Variants in MACROD2 observed in about 807,000 individuals in gnomAD.
MACROD2 encodes mono-ADP ribosylhydrolase 2.
MACROD2 carries 36 observed loss-of-function variants against 70.4 expected under a neutral mutation model. The ratio of observed to expected loss-of-function variants is 0.51; its 90% CI spans 0.39 to 0.68. MACROD2 has a LOEUF of 0.68. MACROD2 is among the 30% of genes least tolerant of loss of function. The pLI is 0.00. For synonymous variants in MACROD2, 172 were observed against 178.8 expected (o/e 0.96, Z 0.30); for missense variants, 496 against 538.4 (o/e 0.92, Z 0.78).
intron 4 of MACROD2, among the ~76,000 whole-genome samples, chr20:14,548,191 TTTA>T (rs1279501869): frequency 1.3e-5 from 2 of 152,138 alleles, no homozygotes; most frequent in Non-Finnish European, 2.9e-5. Context: ...TCATAAGACT[TTTA>T]TTTCTTCAGA....
At chr20:15,157,690 C>T (rs1461795567) in intron 5 of MACROD2, among the ~76,000 whole-genome samples, 2 of 152,106 alleles carry the variant, frequency 1.3e-5, no homozygotes, top group African/African-American at 4.8e-5. Context: ...ACACTGACCT[C>T]TATGAATTGT....
At chr20:15,489,854 TC>T (rs2047205859) in intron 7 of MACROD2, among the ~76,000 whole-genome samples, 2 of 152,072 alleles carry the variant, frequency 1.3e-5, no homozygotes. Flanking sequence ...ACTGGTCCTG[TC>T]CCTTGCTTGA....
At chr20:14,534,911 A>T (rs1363748673) in intron 4 of MACROD2, among the ~76,000 whole-genome samples, 1 of 152,134 alleles carries the variant, frequency 6.6e-6, no homozygotes, top group Non-Finnish European at 1.5e-5. Flanking sequence ...GACAGTTACT[A>T]AAGAGAACTA....
At position 15,431,444 on chromosome 20, in the gene MACROD2, T is replaced by C. The variant is rs41275428; in HGVS notation, c.571+9T>C. On this transcript the variant is annotated intron_variant, in intron 7 of 17. Transcript: ENST00000684519. ...CTCAACAGGCATTTATGGTAAGTGATACAGCTTTTGATGATGTTTGTATTT... is the reference window on the plus strand; with the variant it reads ...CTCAACAGGCATTTATGGTAAGTGACACAGCTTTTGATGATGTTTGTATTT... 6.2e-7 allele frequency: 1 copy of C among 1,610,058 alleles called. No homozygotes were observed. The highest frequency in any genetic ancestry group is 8.5e-7 in the Non-Finnish European group (1 of 1,177,070).
chr20:14,594,106 C>A (rs528083171), intron 4 of MACROD2, among the ~76,000 whole-genome samples: 24 of 152,230 alleles, frequency 1.6e-4, no homozygotes, highest in Admixed American at 7.2e-4. Context: ...AGTAGGAGTA[C>A]AAAGGAGGAG....
chr20:15,077,062 G>A (rs2075663919), intron 5 of MACROD2, among the ~76,000 whole-genome samples: 1 of 152,164 alleles, frequency 6.6e-6, no homozygotes, highest in South Asian at 2.1e-4. Context: ...AGAATAGGGA[G>A]CAAATGTGCA....
At chr20:15,103,521 A>T (rs2075888984) in intron 5 of MACROD2, among the ~76,000 whole-genome samples, 1 of 152,150 alleles carries the variant, frequency 6.6e-6, no homozygotes, top group African/African-American at 2.4e-5. Flanking sequence ...ACATAATTAA[A>T]GCTCTACCAG....
chr20:14,755,549 C>A (rs1568777629), intron 5 of MACROD2, among the ~76,000 whole-genome samples: 1 of 151,968 alleles, frequency 6.6e-6, no homozygotes, highest in East Asian at 1.9e-4. Context: ...GACTATATAG[C>A]CTTATCTACC....
chr20:14,091,699 A>C (rs2054152139), intron 3 of MACROD2, among the ~76,000 whole-genome samples: 1 of 152,156 alleles, frequency 6.6e-6, no homozygotes, highest in Non-Finnish European at 1.5e-5. Flanking sequence ...TTTTCACTAA[A>C]TATAATGCTC....
At chr20:15,839,037 T>A (rs1294602180) in intron 8 of MACROD2, among the ~76,000 whole-genome samples, 1 of 152,180 alleles carries the variant, frequency 6.6e-6, no homozygotes, top group Non-Finnish European at 1.5e-5. Flanking sequence ...TTTGCCCAAA[T>A]TATTTCCTGT....
At chr20:15,600,395 G>A (rs952099368) in intron 8 of MACROD2, among the ~76,000 whole-genome samples, 7 of 152,048 alleles carry the variant, frequency 4.6e-5, no homozygotes, top group Non-Finnish European at 7.4e-5. Flanking sequence ...TCTTAATTTC[G>A]TGTTGCTCAT....
chr20:15,625,563 A>G (rs1349449199), intron 8 of MACROD2, among the ~76,000 whole-genome samples: 1 of 152,240 alleles, frequency 6.6e-6, no homozygotes, highest in African/African-American at 2.4e-5. Context: ...CAAAAAGTAA[A>G]CACTTGCTGG....
intron 8 of MACROD2, among the ~76,000 whole-genome samples, chr20:15,560,729 C>G (rs1217150693): frequency 1.5e-5 from 2 of 133,214 alleles, no homozygotes; most frequent in Non-Finnish European, 3.0e-5. Context: ...CACCACTGCA[C>G]TCCAGCCTGG....
At chr20:15,538,062 C>G (rs1004713521) in intron 8 of MACROD2, among the ~76,000 whole-genome samples, 1 of 152,110 alleles carries the variant, frequency 6.6e-6, no homozygotes, top group African/African-American at 2.4e-5. Context: ...AAAAATAACC[C>G]TTGTAAGTTT....
intron 5 of MACROD2, among the ~76,000 whole-genome samples, chr20:14,907,980 A>G (rs544146292): frequency 1.3e-5 from 2 of 152,308 alleles, no homozygotes; most frequent in East Asian, 3.9e-4. Flanking sequence ...TTGGAACCCA[A>G]GTTTCAAACC....
chr20:15,250,496 A>G (rs1442852161), intron 6 of MACROD2, among the ~76,000 whole-genome samples: 2 of 152,358 alleles, frequency 1.3e-5, no homozygotes, highest in African/African-American at 2.4e-5. Flanking sequence ...AAGATGGGAT[A>G]TAGATTCTTG....
intron 3 of MACROD2, among the ~76,000 whole-genome samples, chr20:14,163,891 A>T (rs1213102932): frequency 6.6e-6 from 1 of 151,706 alleles, no homozygotes; most frequent in African/African-American, 2.4e-5. Context: ...GTTCTTCTGT[A>T]TCTCACTGAG....
At chr20:14,798,868 T>A (rs1474270618) in intron 5 of MACROD2, among the ~76,000 whole-genome samples, 1 of 152,040 alleles carries the variant, frequency 6.6e-6, no homozygotes, top group African/African-American at 2.4e-5. Context: ...GTTTTAAATC[T>A]TTCTACTAAA....
rs571245513 is a variant in MACROD2, at chr20:15,862,787, A to C, written c.688A>C (p.Lys230Gln). The C allele has an allele frequency of 4.2e-5, 67 of 1,613,084 alleles. No homozygotes were observed. The Admixed American group carries it at 8.9e-4, about 21-fold the overall frequency. ...CTGTGTCTTCTTAGAAGTTGACTTC[A>C]AAATCTACAAAAAGAAAATGAATGA... ...IFCVFLEVDF[K>Q]IYKKKMNEFF... The change falls in exon 9 of 18, where the codon AAA becomes CAA. Residue 230 changes from lysine to glutamine, a missense_variant. Coordinates refer to ENST00000684519, the MANE Select transcript of MACROD2 (RefSeq NM_001351661.2).
Sources: allele counts gnomAD v4.1 joint callset (sites outside exome capture counted in the v4.1 genomes callset), GRCh38; gene constraint gnomAD v4.1.1; transcripts MANE v1.5; gene names NCBI Gene and HGNC (gene_info 2026-07-23, HGNC 2026-07-21).